EPM2A: variants seen among roughly 807,000 people sequenced by gnomAD.
EPM2A encodes the protein EPM2A glucan phosphatase, laforin, also known as laforin.
EPM2A carries 21 observed loss-of-function variants against 26.5 expected under a neutral mutation model. The observed-to-expected ratio is 0.79, with a 90% CI of 0.56 to 1.14. The LOEUF (loss-of-function observed/expected upper bound fraction) is 1.14, where lower values mean the gene tolerates loss of function less well. Ranked by LOEUF, EPM2A falls within the 50% of genes most tolerant of loss-of-function variation. EPM2A has a pLI of 0.00. For synonymous variants in EPM2A, 217 were observed against 177.6 expected (o/e 1.22, Z -1.76); for missense variants, 458 against 440.8 (o/e 1.04, Z -0.35).
At chr6:145,496,006 A>G (rs1178432730) in intron 4 of EPM2A, among the ~76,000 whole-genome samples, 1 of 151,742 alleles carries the variant, frequency 6.6e-6, no homozygotes, top group Non-Finnish European at 1.5e-5. Context: ...GTGCTTATCA[A>G]CTCTCTCAGC....
chr6:145,718,122 A>C (rs1171874739), intron 1 of EPM2A, among the ~76,000 whole-genome samples: 4 of 152,130 alleles, frequency 2.6e-5, no homozygotes, highest in African/African-American at 7.2e-5. Context: ...AAACTACTTT[A>C]AAGTTCATAT....
intron 1 of EPM2A, among the ~76,000 whole-genome samples, chr6:145,707,718 C>A (rs1190576548): frequency 6.6e-6 from 1 of 152,198 alleles, no homozygotes; most frequent in Non-Finnish European, 1.5e-5. Context: ...GTCAGTTAAA[C>A]TTCCTTCCTT....
intron 2 of EPM2A, among the ~76,000 whole-genome samples, chr6:145,592,742 C>A (rs1048202545): frequency 6.6e-5 from 10 of 151,786 alleles, no homozygotes; most frequent in Non-Finnish European, 1.2e-4. Context: ...TGATGATGGG[C>A]AAGAAATGCA....
intron 4 of EPM2A, among the ~76,000 whole-genome samples, chr6:145,475,240 G>A (rs1779526921): frequency 6.6e-6 from 1 of 152,066 alleles, no homozygotes; most frequent in Non-Finnish European, 1.5e-5. Flanking sequence ...TGATAGACTA[G>A]ATAAAGAAAA....
chr6:145,494,668 A>T (rs546120354), intron 4 of EPM2A, among the ~76,000 whole-genome samples: 2 of 152,184 alleles, frequency 1.3e-5, no homozygotes, highest in South Asian at 4.1e-4. Flanking sequence ...TGTCCCAGAG[A>T]TTCTGGTATG....
In EPM2A at chr6:145,654,586, A is replaced by G. The variant is rs552549313; in HGVS notation, c.477-19100T>C. On this transcript the variant is annotated intron_variant, in intron 2 of 3. Coordinates refer to ENST00000367519, the MANE Select transcript of EPM2A (RefSeq NM_005670.4). ...AATTCCCAGTTGCCTACAGAACTTTACAAAGTCTGTCAAGTTCATTATACC... is the reference window on the plus strand; with the variant it reads ...AATTCCCAGTTGCCTACAGAACTTTGCAAAGTCTGTCAAGTTCATTATACC... Among the ~76,000 whole-genome samples the G allele has an allele frequency of 2.0e-5, 3 of 152,356 alleles. No homozygotes were observed. The East Asian group carries it at 5.8e-4, about 29-fold the overall frequency.
At position 145,726,373 on chromosome 6, in the gene EPM2A, C is replaced by T. The variant is rs117376457; in HGVS notation, c.301+8825G>A. Among the ~76,000 whole-genome samples the T allele has an allele frequency of 4.1e-3, 627 of 152,226 alleles. 18 individuals carry two copies. In the East Asian group the frequency reaches 0.07, roughly 17 times the overall value. On this transcript the variant is annotated intron_variant, in intron 1 of 3. Transcript: ENST00000367519. ...AAGAGACAAATCCTCCATATAAATA[C>T]ATTCCAGAAAATTAATGTAGATATT...
rs76460194 is a variant in EPM2A, at chr6:145,557,194, C to T, written c.341-54619G>A. On this transcript the variant is annotated intron_variant, in intron 2 of 3. Transcript: ENST00000450221. ...ATTTTGAGAGTAACTTCTCAATTCACTTTCTGACAGAAGTTCCACAGAACC... is the reference window on the plus strand; with the variant it reads ...ATTTTGAGAGTAACTTCTCAATTCATTTTCTGACAGAAGTTCCACAGAACC... Among the ~76,000 whole-genome samples, 250 of 152,196 alleles carry T rather than the reference C, an allele frequency of 1.6e-3. 2 individuals carry two copies. Among genetic ancestry groups the T allele is most frequent in the African/African-American group, 5.8e-3 (241 of 41,546 alleles).
In EPM2A at chr6:145,735,223, CTCCCGCT is replaced by C. The variant is rs1776788274; in HGVS notation, c.269_275del (p.Lys90SerfsTer35). On this transcript the variant is annotated frameshift_variant, in exon 1 of 4. Coordinates refer to ENST00000367519, the MANE Select transcript of EPM2A (RefSeq NM_005670.4). LOFTEE classifies it high-confidence loss of function. ...CTTCCCAGGAGAGCTCTCCTCCCGG[CTCCCGCT>C]TCAGGAACTTGTACCAGAACGTGTC... The C allele has an allele frequency of 2.6e-6, 4 of 1,535,976 alleles. No homozygotes were observed. The highest frequency in any genetic ancestry group is 3.5e-6 in the Non-Finnish European group (4 of 1,140,146).
intron 2 of EPM2A, among the ~76,000 whole-genome samples, chr6:145,565,485 A>G (rs1780872899): frequency 6.6e-6 from 1 of 151,960 alleles, no homozygotes; most frequent in Non-Finnish European, 1.5e-5. Flanking sequence ...AACCCTGGAA[A>G]CCCTGTGATC....
At chr6:145,418,979 T>C (rs1778745078) in intron 4 of EPM2A, among the ~76,000 whole-genome samples, 1 of 152,170 alleles carries the variant, frequency 6.6e-6, no homozygotes. Flanking sequence ...TTGAATATGG[T>C]GTTGAGAAAA....
intron 4 of EPM2A, among the ~76,000 whole-genome samples, chr6:145,495,729 AC>A (rs963256328): frequency 3.3e-5 from 5 of 152,078 alleles, no homozygotes; most frequent in Admixed American, 2.6e-4. Context: ...GGCATGTGCC[AC>A]CACACCTGGC....
intron 2 of EPM2A, among the ~76,000 whole-genome samples, chr6:145,603,871 GT>G (rs745715002): frequency 6.6e-6 from 1 of 151,992 alleles, no homozygotes; most frequent in Non-Finnish European, 1.5e-5. Flanking sequence ...GAGAGTCCAC[GT>G]TTTTTTATTT....
chr6:145,587,837 T>C (rs934212503), intron 2 of EPM2A, among the ~76,000 whole-genome samples: 42 of 152,196 alleles, frequency 2.8e-4, no homozygotes, highest in African/African-American at 9.4e-4. Flanking sequence ...TCTAAAACCT[T>C]GAAAGGCATG....
chr6:145,405,562 G>T (rs991205172), intron 4 of EPM2A, among the ~76,000 whole-genome samples: 5 of 152,082 alleles, frequency 3.3e-5, no homozygotes, highest in African/African-American at 9.7e-5. Flanking sequence ...TTCTAAATAA[G>T]TTTTAAACTC....
intron 2 of EPM2A, among the ~76,000 whole-genome samples, chr6:145,589,160 G>C (rs73566757): frequency 3.9e-5 from 6 of 152,080 alleles, no homozygotes; most frequent in Non-Finnish European, 5.9e-5. Context: ...TTCTCTAGAA[G>C]CAGCCCAAGT....
At chr6:145,664,643 C>G (rs2128591607) in intron 2 of EPM2A, among the ~76,000 whole-genome samples, 1 of 152,164 alleles carries the variant, frequency 6.6e-6, no homozygotes, top group South Asian at 2.1e-4. Flanking sequence ...GAATTGAACT[C>G]AGCTCTGCAC....
At chr6:145,561,036 A>G (rs1780796937) in intron 2 of EPM2A, among the ~76,000 whole-genome samples, 1 of 152,116 alleles carries the variant, frequency 6.6e-6, no homozygotes, top group African/African-American at 2.4e-5. Flanking sequence ...TACAAAATTT[A>G]TATAGTACAT....
In EPM2A at chr6:145,684,013, A is replaced by C. The variant is rs1274196813; in HGVS notation, c.476+2109T>G. Among the ~76,000 whole-genome samples, 2 of 152,194 alleles carry C rather than the reference A, an allele frequency of 1.3e-5. 1 individual carries two copies. The highest frequency in any genetic ancestry group is 2.9e-5 in the Non-Finnish European group (2 of 68,026). On this transcript the variant is annotated intron_variant, in intron 2 of 3. Coordinates refer to ENST00000367519, the MANE Select transcript of EPM2A (RefSeq NM_005670.4). ...GGAAAAAGTATAGTTCCAGTAAGAG[A>C]AGAGAACTTAAAAATAACTCTCATT...
Sources: allele counts gnomAD v4.1 joint callset (sites outside exome capture counted in the v4.1 genomes callset), GRCh38; gene constraint gnomAD v4.1.1; transcripts MANE v1.5; gene names NCBI Gene and HGNC (gene_info 2026-07-23, HGNC 2026-07-21).